Variants in KCNIP1 observed in about 807,000 individuals in gnomAD.
KCNIP1 encodes A-type potassium channel modulatory protein KCNIP1.
KCNIP1 carries 18 observed loss-of-function variants against 33.0 expected under a neutral mutation model. The observed-to-expected ratio is 0.55, with a 90% confidence interval of 0.38 to 0.81. The LOEUF is 0.81. Among genes scored for constraint, KCNIP1 ranks in the 30% least tolerant of loss-of-function variants. The pLI is 0.00. For synonymous variants in KCNIP1, 93 were observed against 98.3 expected (o/e 0.95, Z 0.32); for missense variants, 238 against 271.6 (o/e 0.88, Z 0.87).
chr5:170,384,415 G>A (rs999384753), intron 1 of KCNIP1, among the ~76,000 whole-genome samples: 1 of 152,214 alleles, frequency 6.6e-6, no homozygotes, highest in Non-Finnish European at 1.5e-5. Context: ...GTTGAGCCAG[G>A]ATGGGAAAGA....
At chr5:170,720,043 G>C (rs536801679) in intron 2 of KCNIP1, among the ~76,000 whole-genome samples, 1 of 152,320 alleles carries the variant, frequency 6.6e-6, no homozygotes, top group South Asian at 2.1e-4. Context: ...CTTGGCCAAA[G>C]TCACAAAGCT....
intron 1 of KCNIP1, among the ~76,000 whole-genome samples, chr5:170,438,422 G>A (rs779511915): frequency 1.3e-5 from 2 of 152,216 alleles, no homozygotes; most frequent in Non-Finnish European, 2.9e-5. Context: ...AGCTGGCCCA[G>A]AGGCAGCCCT....
chr5:170,601,240 G>A (rs1164172197), intron 1 of KCNIP1, among the ~76,000 whole-genome samples: 4 of 152,198 alleles, frequency 2.6e-5, no homozygotes, highest in South Asian at 2.1e-4. Context: ...TGCCGGGGAC[G>A]GCTGGGAGTC....
chr5:170,410,231 G>A (rs1396511706), intron 1 of KCNIP1, among the ~76,000 whole-genome samples: 1 of 152,144 alleles, frequency 6.6e-6, no homozygotes, highest in African/African-American at 2.4e-5. Flanking sequence ...TGCAGACATA[G>A]CATGGGTGCA....
chr5:170,410,948 A>G (rs1236554367), intron 1 of KCNIP1, among the ~76,000 whole-genome samples: 2 of 152,202 alleles, frequency 1.3e-5, no homozygotes, highest in Non-Finnish European at 2.9e-5. Context: ...ATTCAGTGCT[A>G]TTCTGAGATG....
chr5:170,538,075 C>T (rs896100076), intron 1 of KCNIP1, among the ~76,000 whole-genome samples: 2 of 152,204 alleles, frequency 1.3e-5, no homozygotes, highest in African/African-American at 4.8e-5. Flanking sequence ...GAGGAAGCTA[C>T]TACAGCCTTT....
intron 1 of KCNIP1, among the ~76,000 whole-genome samples, chr5:170,361,711 C>T (rs188725259): frequency 2.6e-5 from 4 of 152,250 alleles, no homozygotes; most frequent in African/African-American, 4.8e-5. Flanking sequence ...GTGGACTTCT[C>T]GTGGGGACTC....
chr5:170,695,672 A>G (rs1287303631), intron 1 of KCNIP1, among the ~76,000 whole-genome samples: 1 of 152,184 alleles, frequency 6.6e-6, no homozygotes, highest in African/African-American at 2.4e-5. Flanking sequence ...TCTGCTTCCC[A>G]TTGCTTTAAA....
chr5:170,362,785 A>T (rs1204609474), intron 1 of KCNIP1, among the ~76,000 whole-genome samples: 1 of 152,168 alleles, frequency 6.6e-6, no homozygotes, highest in Non-Finnish European at 1.5e-5. Context: ...TAATCTTTTG[A>T]TTAACTGTGG....
intron 1 of KCNIP1, among the ~76,000 whole-genome samples, chr5:170,599,870 A>G: frequency 6.6e-6 from 1 of 152,254 alleles, no homozygotes; most frequent in Non-Finnish European, 1.5e-5. Context: ...AATATATTCT[A>G]CACAGCACTT....
At chr5:170,515,185 G>T (rs1317580449) in intron 1 of KCNIP1, among the ~76,000 whole-genome samples, 1 of 152,166 alleles carries the variant, frequency 6.6e-6, no homozygotes, top group Non-Finnish European at 1.5e-5. Flanking sequence ...TCCTAGAAGC[G>T]CCTTATGATT....
intron 1 of KCNIP1, among the ~76,000 whole-genome samples, chr5:170,625,706 T>A (rs1759795450): frequency 6.6e-6 from 1 of 152,210 alleles, no homozygotes. Flanking sequence ...TCCCATTCAT[T>A]ATCCCCAGGT....
chr5:170,417,444 C>T (rs138757995), intron 1 of KCNIP1, among the ~76,000 whole-genome samples: 440 of 152,294 alleles, frequency 2.9e-3, no homozygotes, highest in Non-Finnish European at 4.5e-3. Context: ...TGAGAGTAGA[C>T]GCTATGGCTG....
intron 1 of KCNIP1, among the ~76,000 whole-genome samples, chr5:170,538,388 C>A (rs1206376309): frequency 6.6e-6 from 1 of 152,126 alleles, no homozygotes; most frequent in African/African-American, 2.4e-5. Flanking sequence ...TTATTCCCAA[C>A]CCCCTTTCCA....
chr5:170,702,689 C>T (rs1416209882), intron 1 of KCNIP1, among the ~76,000 whole-genome samples: 2 of 152,140 alleles, frequency 1.3e-5, no homozygotes, highest in Admixed American at 6.5e-5. Context: ...TTAGGGTGGT[C>T]CCTTGAGGTT....
At chr5:170,687,336 C>T (rs1002809923) in intron 1 of KCNIP1, among the ~76,000 whole-genome samples, 1 of 152,034 alleles carries the variant, frequency 6.6e-6, no homozygotes, top group African/African-American at 2.4e-5. Flanking sequence ...TGCCCACCAC[C>T]ATGCCTGGCT....
chr5:170,668,475 T>A (rs192811293), intron 1 of KCNIP1, among the ~76,000 whole-genome samples: 1 of 152,322 alleles, frequency 6.6e-6, no homozygotes, highest in East Asian at 1.9e-4. Flanking sequence ...ATGAGCATGT[T>A]GGTTGTTCCA....
chr5:170,596,508 C>T (rs892002741), intron 1 of KCNIP1, among the ~76,000 whole-genome samples: 1 of 152,186 alleles, frequency 6.6e-6, no homozygotes, highest in African/African-American at 2.4e-5. Flanking sequence ...TCTTAAGCCA[C>T]AGTAGGGAAG....
At chr5:170,541,249 T>C (rs913668508) in intron 1 of KCNIP1, among the ~76,000 whole-genome samples, 2 of 152,164 alleles carry the variant, frequency 1.3e-5, no homozygotes, top group African/African-American at 4.8e-5. Flanking sequence ...TGACCCAGTG[T>C]TCCATATGAC....
Sources: allele counts gnomAD v4.1 joint callset (sites outside exome capture counted in the v4.1 genomes callset), GRCh38; gene constraint gnomAD v4.1.1; transcripts MANE v1.5; gene names NCBI Gene and HGNC (gene_info 2026-07-23, HGNC 2026-07-21).